The following SRPRA variants were observed in gnomAD, a reference collection of about 807,000 sequenced individuals.
SRPRA encodes the protein SRP receptor subunit alpha, also known as signal recognition particle receptor subunit alpha.
SRPRA carries 30 observed loss-of-function variants against 61.1 expected under a neutral mutation model. The observed-to-expected ratio is 0.49, with a 90% CI of 0.37 to 0.67. The LOEUF is 0.67. SRPRA is among the 30% of genes least tolerant of loss of function. SRPRA has a pLI of 0.00. For missense variants in SRPRA, 759 were observed against 828.4 expected, an observed-to-expected ratio of 0.92 and a Z score of 1.03; for synonymous variants, 324 against 299.7, an observed-to-expected ratio of 1.08 and a Z score of -0.84.
At position 126,267,204 on chromosome 11, in the gene SRPRA, T is replaced by G. The variant is rs1438358703; in HGVS notation, c.497A>C (p.Asn166Thr). Reference protein sequence around the residue: ...RGEKPKEKAKNSKKKGAKKEG... With the variant: ...RGEKPKEKAKTSKKKGAKKEG... Reference sequence around the variant, plus strand: ...CTTCTTGGCCCCCTTTTTTTTGCTATTCTTTGCTTTTTCCTTGGGCTTTTC... The same window carrying G: ...CTTCTTGGCCCCCTTTTTTTTGCTAGTCTTTGCTTTTTCCTTGGGCTTTTC... The change falls in exon 4 of 14, where the codon AAT becomes ACT. Residue 166 changes from asparagine (N) to threonine (T), a missense_variant. Around this residue, in one of 2 missense-constraint regions of SRPRA, gnomAD observed 475 missense variants for 462.5 expected, o/e 1.03. Coordinates refer to ENST00000332118, the MANE Select transcript of SRPRA (RefSeq NM_003139.4). This position sits in a 1 kb window ranked among gnomAD's most constrained non-coding sequence, Gnocchi z 4.2. 3 of 1,614,152 alleles carry G rather than the reference T, an allele frequency of 1.9e-6. No individual in the cohort carries two copies. Among genetic ancestry groups the G allele is most frequent in the Non-Finnish European group, 2.5e-6 (3 of 1,180,028 alleles).
rs1950746607 is a variant in SRPRA, at chr11:126,263,557, T to G, written c.*359A>C. 5.0e-6 allele frequency: 1 copy of G among 201,890 alleles called. No individual in the cohort carries two copies. The allele number at this position is 201,890 out of a possible 1,614,324, so 12.5% of individuals were successfully genotyped here. A position where few individuals can be genotyped will look rare whatever the true frequency, so the allele number is the denominator to read the frequency against. On this transcript the variant is annotated 3_prime_UTR_variant, in exon 14 of 14. Transcript: ENST00000332118. ...TTAACCTAATGCAGCTGGGACTCATTAGGCTCAGACGGCTCTTGACCACAC... is the reference window on the plus strand; with the variant it reads ...TTAACCTAATGCAGCTGGGACTCATGAGGCTCAGACGGCTCTTGACCACAC...
At chr11:126,259,431 T>C (rs1950637534), downstream of SRPRA, among the ~76,000 whole-genome samples, 1 of 150,376 alleles carries the variant, frequency 6.6e-6, no homozygotes, top group South Asian at 2.1e-4. Context: ...GGTACTTTTT[T>C]TTTTTTTTTT....
At chr11:126,245,771 C>T in the SRPRA span, among the ~76,000 whole-genome samples, 3 of 151,970 alleles carry the variant, frequency 2.0e-5, no homozygotes, top group Non-Finnish European at 1.5e-5. Context: ...CCAAGGCAGG[C>T]GGATCACCTG....
At position 126,266,919 on chromosome 11, in the gene SRPRA, G is replaced by C. The variant is rs1480530698; in HGVS notation, c.530C>G (p.Ser177Cys). Residue 177 changes from serine to cysteine, a missense_variant, in exon 5 of 14, where the codon TCT becomes TGT. Ser to Cys is a moderately radical substitution (Grantham distance 112). Transcript: ENST00000332118. ...TTTGCTGGTAGCCAAAGGACCATCAGAACCTGTTGGGGAAAAAACTCACTG... is the reference window on the plus strand; with the variant it reads ...TTTGCTGGTAGCCAAAGGACCATCACAACCTGTTGGGGAAAAAACTCACTG... ...SKKKGAKKEG[S>C]DGPLATSKPV... 1.2e-6 allele frequency: 2 copies of C among 1,612,332 alleles called. No homozygotes were observed. The highest frequency in any genetic ancestry group is 3.4e-5 in the Admixed American group (2 of 59,300).
the SRPRA span, among the ~76,000 whole-genome samples, chr11:126,241,482 G>C: frequency 4.6e-5 from 7 of 152,250 alleles, 1 homozygote; most frequent in East Asian, 1.4e-3. Flanking sequence ...AGAAGGAATT[G>C]CACCTTATTT....
chr11:126,266,344 T>G (rs1950810306), intron 6 of SRPRA, 66 bp from the exon 7 acceptor site: 10 of 1,594,300 alleles, frequency 6.3e-6, no homozygotes, highest in Middle Eastern at 1.9e-4. Flanking sequence ...ACGTCCACAT[T>G]GCTCTATCTC....
downstream of SRPRA, chr11:126,261,525 G>C: frequency 5.2e-6 from 8 of 1,543,808 alleles, no homozygotes; most frequent in African/African-American, 1.4e-5. Flanking sequence ...CTCTGTAGCA[G>C]AAAGTCTTTC....
At position 126,266,856 on chromosome 11, in the gene SRPRA, G is replaced by A; in HGVS notation, c.593C>T (p.Pro198Leu). 4 of 1,614,186 alleles carry A rather than the reference G, an allele frequency of 2.5e-6. No individual in the cohort carries two copies. Among genetic ancestry groups the A allele is most frequent in the Non-Finnish European group, 3.4e-6 (4 of 1,180,044 alleles). ...PAEKSGLPVGPENGVELSKEE... is the reference protein window; with the variant it reads ...PAEKSGLPVGLENGVELSKEE... ...TTTGGAAAGTTCTACTCCGTTCTCA[G>A]GACCCACTGGAAGACCTGACTTTTC... Residue 198 changes from proline (P) to leucine (L), a missense_variant, in exon 5 of 14, where the codon CCT becomes CTT. Around this residue, in one of 2 missense-constraint regions of SRPRA, gnomAD observed 475 missense variants for 462.5 expected, o/e 1.03. Coordinates refer to ENST00000332118, the MANE Select transcript of SRPRA (RefSeq NM_003139.4).
downstream of SRPRA, among the ~76,000 whole-genome samples, chr11:126,259,511 C>T (rs541935697): frequency 8.5e-4 from 128 of 151,280 alleles, no homozygotes; most frequent in African/African-American, 2.8e-3. Flanking sequence ...CTGCAACCCC[C>T]GCCTCCTGGG....
chr11:126,262,073 C>A, downstream of SRPRA: 1 of 1,609,190 alleles, frequency 6.2e-7, no homozygotes, highest in Non-Finnish European at 8.5e-7. Context: ...AATGTATAAA[C>A]CTGTTTTGTG....
chr11:126,250,708 C>A, the SRPRA span: 1 of 1,613,782 alleles, frequency 6.2e-7, no homozygotes, highest in Non-Finnish European at 8.5e-7. This position sits in a 1 kb window ranked among gnomAD's most constrained non-coding sequence, Gnocchi z 5.1. Context: ...CAGCTTGAAT[C>A]CCTTGACCTT....
chr11:126,267,997 A>G lies in SRPRA; in HGVS notation c.201+6T>C. ...TGCAATCGTCCCTCTACAACACCCCACTTACCACAAACACCAGCTCAAACT... is the reference window on the plus strand; with the variant it reads ...TGCAATCGTCCCTCTACAACACCCCGCTTACCACAAACACCAGCTCAAACT... On this transcript the variant is annotated splice_donor_region_variant and intron_variant, in intron 2 of 13. Transcript: ENST00000332118. This position sits in a 1 kb window ranked among gnomAD's most constrained non-coding sequence, Gnocchi z 4.2. The G allele has an allele frequency of 1.9e-6, 3 of 1,613,970 alleles. No homozygotes were observed. Among genetic ancestry groups the G allele is most frequent in the Non-Finnish European group, 2.5e-6 (3 of 1,179,906 alleles).
the SRPRA span, chr11:126,240,992 A>T: frequency 6.2e-7 from 1 of 1,613,956 alleles, no homozygotes; most frequent in Middle Eastern, 1.6e-4. Context: ...TGTCTCCATG[A>T]AGACAAGAAC....
downstream of SRPRA, among the ~76,000 whole-genome samples, chr11:126,261,841 A>T (rs766469206): frequency 7.9e-5 from 12 of 152,230 alleles, no homozygotes; most frequent in South Asian, 2.1e-4. Context: ...AAATTTTTTT[A>T]AATTGCTAGG....
At chr11:126,240,488 T>C in the SRPRA span, among the ~76,000 whole-genome samples, 1 of 152,188 alleles carries the variant, frequency 6.6e-6, no homozygotes, top group East Asian at 1.9e-4. Flanking sequence ...TGAGCTATAG[T>C]CTATTTGGAT....
chr11:126,262,266 TAGAAGAGGGGGGA>T, downstream of SRPRA: 2 of 910,194 alleles, frequency 2.2e-6, no homozygotes, highest in Non-Finnish European at 3.5e-6. Context: ...AAGGGCGGGG[TAGAAGAGGGGGGA>T]ATGTTGCAGC....
chr11:126,245,605 G>A, the SRPRA span, among the ~76,000 whole-genome samples: 111 of 151,648 alleles, frequency 7.3e-4, no homozygotes, highest in Non-Finnish European at 1.1e-3. Flanking sequence ...GAGGTAGGAG[G>A]ATCATTTGAT....
In SRPRA at chr11:126,267,842, C is replaced by G; in HGVS notation, c.202-130G>C. ...CGGTTTCCCTGTCCTGAGAGGCAGC[C>G]AAGCTCCCTGCCTGGGCCCAGTAGC... is the stretch of plus-strand genomic sequence containing the variant. On this transcript the variant is annotated intron_variant, in intron 2 of 13. Transcript: ENST00000332118. This position sits in a 1 kb window ranked among gnomAD's most constrained non-coding sequence, Gnocchi z 4.2. The G allele has an allele frequency of 7.0e-7, 1 of 1,426,414 alleles. No individual in the cohort carries two copies. 88.4% of individuals were successfully genotyped at this position (1,426,414 alleles called of 1,614,324 possible).
At chr11:126,237,009 C>T in the SRPRA span, among the ~76,000 whole-genome samples, 49 of 148,974 alleles carry the variant, frequency 3.3e-4, no homozygotes, top group African/African-American at 1.1e-3. Context: ...CTCTGCCTCC[C>T]GGGTTCACAC....
Sources: allele counts gnomAD v4.1 joint callset (sites outside exome capture counted in the v4.1 genomes callset), GRCh38; gene constraint gnomAD v4.1.1; regional missense constraint gnomAD v4.1.1; non-coding constraint Gnocchi (gnomAD v3.1); transcripts MANE v1.5; gene names NCBI Gene and HGNC (gene_info 2026-07-23, HGNC 2026-07-21).